The following PAK3 variants were observed in gnomAD, a reference collection of about 807,000 sequenced individuals.
PAK3 encodes the protein p21 (RAC1) activated kinase 3, also known as serine/threonine-protein kinase PAK 3.
A neutral mutation model predicts 41.0 loss-of-function variants in PAK3; 4 were observed. The observed-to-expected ratio is 0.10, with a 90% CI of 0.05 to 0.22. The LOEUF is 0.22. PAK3 is among the 10% of genes least tolerant of loss of function. The pLI, the probability that PAK3 is intolerant of heterozygous loss-of-function variation, is 1.00. For synonymous variants in PAK3, 146 were observed against 139.6 expected, an observed-to-expected ratio of 1.05 and a Z score of -0.32; for missense variants, 205 against 409.9, an observed-to-expected ratio of 0.50 and a Z score of 4.32.
intron 10 of PAK3, among the ~76,000 whole-genome samples, chrX:111,171,717 G>A (rs2094343730): frequency 8.9e-6 from 1 of 111,814 alleles, no homozygotes; most frequent in East Asian, 2.8e-4. Context: ...ACTAAGGGAA[G>A]ATGGGGAGTA....
intron 11 of PAK3, among the ~76,000 whole-genome samples, chrX:111,177,022 G>A (rs958247688): frequency 2.8e-5 from 3 of 105,996 alleles, no homozygotes; most frequent in South Asian, 8.1e-4. Flanking sequence ...TACTTAAATG[G>A]CTTTCAACTG....
intron 4 of PAK3, among the ~76,000 whole-genome samples, chrX:111,112,163 C>T (rs778576566): frequency 4.2e-4 from 47 of 111,515 alleles, no homozygotes; most frequent in African/African-American, 1.5e-3. Context: ...TTCATATACA[C>T]AAGAGGAGTC....
chrX:111,208,009 G>A (rs1436123819), intron 16 of PAK3, among the ~76,000 whole-genome samples: 1 of 112,394 alleles, frequency 8.9e-6, no homozygotes. Flanking sequence ...GGCCCAGGCT[G>A]GTCTCGAACT....
At chrX:110,989,583 C>G (rs1286070839) in intron 1 of PAK3, among the ~76,000 whole-genome samples, 1 of 111,950 alleles carries the variant, frequency 8.9e-6, no homozygotes, top group Non-Finnish European at 1.9e-5. Flanking sequence ...AGATAGAGTC[C>G]AAGGTTCACC....
chrX:111,163,868 A>G, intron 10 of PAK3, 141 bp downstream of exon 10: 1 of 523,873 alleles, frequency 1.9e-6, no homozygotes, highest in South Asian at 2.7e-5. Context: ...AAAATTTGAG[A>G]CTCACTGCAT....
intron 1 of PAK3, among the ~76,000 whole-genome samples, chrX:111,033,048 T>C (rs939412471): frequency 1.8e-5 from 2 of 111,671 alleles, no homozygotes; most frequent in African/African-American, 6.5e-5. Flanking sequence ...GATTTAGATA[T>C]GCTGGCCCTG....
At chrX:110,976,337 C>T (rs961989870) in intron 1 of PAK3, among the ~76,000 whole-genome samples, 2 of 112,349 alleles carry the variant, frequency 1.8e-5, no homozygotes, top group Non-Finnish European at 3.8e-5. Context: ...GACATCTATA[C>T]AGCCAACAGA....
rs1485277423 is a variant in PAK3, at chrX:111,221,770, G to A, written c.*1323G>A. 3.6e-5 allele frequency: 4 copies of A among 111,312 alleles called. No individual in the cohort carries two copies. Among genetic ancestry groups the A allele is most frequent in the South Asian group, 3.8e-4 (1 of 2,623 alleles). 9.2% of individuals were successfully genotyped at this position (111,312 alleles called of 1,213,427 possible). On this transcript the variant is annotated 3_prime_UTR_variant, in exon 18 of 18. Coordinates refer to ENST00000372007, the MANE Select transcript of PAK3 (RefSeq NM_002578.5). The stretch of plus-strand genomic sequence containing the variant: ...TCACCTATTTCTGTTTCGGAATATG[G>A]TGTGTTCATGCTTAGTTCTTTGGGC...
Position 111,194,547 on chromosome X carries a change from G to A in PAK3, c.1110+129G>A, listed in dbSNP as rs974734973. On this transcript the variant is annotated intron_variant, in intron 14 of 17. Transcript: ENST00000372007. ...CTTTTCCACTGAAAACAATTGGAGA[G>A]GCCAACTTCAATTTAAATTCTGTCC... is the stretch of plus-strand genomic sequence containing the variant. 5.9e-5 allele frequency: 32 copies of A among 544,569 alleles called. No individual in the cohort carries two copies. The African/African-American group carries it at 6.8e-4, about 12-fold the overall frequency. The allele number at this position is 544,569 out of a possible 1,213,427, so 44.9% of individuals were successfully genotyped here. A position where few individuals can be genotyped will look rare whatever the true frequency, so the allele number is the denominator to read the frequency against.
At chrX:110,986,525 CA>C (rs889702269) in intron 1 of PAK3, among the ~76,000 whole-genome samples, 1 of 112,055 alleles carries the variant, frequency 8.9e-6, no homozygotes, top group African/African-American at 3.2e-5. Flanking sequence ...TTCCCTTTAA[CA>C]AAAGACAACC....
chrX:111,018,739 C>T (rs779307056), intron 1 of PAK3, among the ~76,000 whole-genome samples: 3 of 111,484 alleles, frequency 2.7e-5, no homozygotes, highest in Non-Finnish European at 3.8e-5. Context: ...ATAGGAAAAT[C>T]CATCCTAAAA....
At chrX:110,957,835 T>G (rs1261871466) in intron 1 of PAK3, among the ~76,000 whole-genome samples, 1 of 111,851 alleles carries the variant, frequency 8.9e-6, no homozygotes. Flanking sequence ...TACTATATAC[T>G]AGGTAATGTG....
chrX:111,106,618 C>T (rs1428193250), intron 4 of PAK3, among the ~76,000 whole-genome samples: 1 of 111,375 alleles, frequency 9.0e-6, no homozygotes, highest in Admixed American at 9.5e-5. Context: ...CATACTTTCC[C>T]AAACTCTTAC....
intron 1 of PAK3, among the ~76,000 whole-genome samples, chrX:110,961,166 A>G (rs776969681): frequency 2.7e-5 from 3 of 111,401 alleles, no homozygotes; most frequent in Admixed American, 1.9e-4. Context: ...CTGGATATAG[A>G]TATCTTAATG....
At chrX:110,981,948 G>A (rs1286307532) in intron 1 of PAK3, among the ~76,000 whole-genome samples, 1 of 111,673 alleles carries the variant, frequency 9.0e-6, no homozygotes, top group Non-Finnish European at 1.9e-5. Context: ...AGAGAGAAGA[G>A]TTGGGGATGA....
intron 1 of PAK3, among the ~76,000 whole-genome samples, chrX:111,018,945 T>C (rs2092130853): frequency 1.8e-5 from 2 of 111,518 alleles, no homozygotes; most frequent in African/African-American, 6.5e-5. Flanking sequence ...CATTAGATGG[T>C]ACCTTTTTGT....
intron 1 of PAK3, among the ~76,000 whole-genome samples, chrX:110,969,996 T>A (rs2148629711): frequency 8.9e-6 from 1 of 112,289 alleles, no homozygotes; most frequent in African/African-American, 3.2e-5. Context: ...ATTTCTTTCA[T>A]CATTGTCTTT....
intron 4 of PAK3, among the ~76,000 whole-genome samples, chrX:111,106,082 G>A (rs1354290032): frequency 2.7e-5 from 3 of 111,149 alleles, no homozygotes; most frequent in Admixed American, 1.9e-4. Context: ...CCACATTCGT[G>A]TACATGCACA....
At chrX:111,118,114 G>A (rs929611849) in intron 4 of PAK3, among the ~76,000 whole-genome samples, 6 of 112,127 alleles carry the variant, frequency 5.4e-5, no homozygotes, top group African/African-American at 1.3e-4. Context: ...GCAAGGCAAC[G>A]TATAATATTT....
Sources: gnomAD v4.1 joint callset for allele counts (sites outside exome capture counted in the v4.1 genomes callset) on GRCh38, gnomAD v4.1.1 for gene constraint, MANE v1.5 for transcripts, NCBI Gene and HGNC (gene_info 2026-07-23, HGNC 2026-07-21) for gene names.